TMC3: variants seen among roughly 807,000 people sequenced by gnomAD.
The protein encoded by TMC3 is transmembrane channel like 3.
In TMC3, 98 loss-of-function variants were observed where a neutral mutation model predicts 110.6. The observed-to-expected ratio is 0.89, with a 90% CI of 0.75 to 1.05. The LOEUF (loss-of-function observed/expected upper bound fraction) is 1.05. Among genes scored for constraint, TMC3 ranks in the 50% least tolerant of loss-of-function variants. TMC3 has a pLI of 0.00. For synonymous variants in TMC3, 489 were observed against 513.1 expected (o/e 0.95, Z 0.63); for missense variants, 1,319 against 1,373.2 (o/e 0.96, Z 0.62).
chr15:81,336,712 A>G, intron 19 of TMC3, 61 bp from the exon 20 acceptor site: 1 of 1,531,444 alleles, frequency 6.5e-7, no homozygotes, highest in Non-Finnish European at 9.0e-7. Flanking sequence ...AACAAATATT[A>G]TTCCTGGGGG....
chr15:81,362,248 G>A lies in TMC3; in HGVS notation c.366C>T (p.Pro122=). 6.2e-7 allele frequency: 1 copy of A among 1,612,204 alleles called. No homozygotes were observed. The highest frequency in any genetic ancestry group is 8.5e-7 in the Non-Finnish European group (1 of 1,179,026). Reference sequence around the variant, plus strand: ...CGATTTTCTTTATCCTCATTTCCCAGGGAATGAAGATGACCACAAAGTTAC... The same window carrying A: ...CGATTTTCTTTATCCTCATTTCCCAAGGAATGAAGATGACCACAAAGTTAC... ...LACNFVVIFI[P]WEMRIKKIES... is the part of the protein sequence containing the mutation. Residue 122 remains proline, a synonymous_variant, in exon 4 of 22, where the codon CCC becomes CCT. Transcript: ENST00000359440.
At chr15:81,358,885 G>A (rs1028028172) in intron 5 of TMC3, among the ~76,000 whole-genome samples, 5 of 152,096 alleles carry the variant, frequency 3.3e-5, no homozygotes, top group African/African-American at 1.2e-4. Flanking sequence ...TGAGGTCTGG[G>A]CTTTAGTGTT....
chr15:81,373,543 G>C (rs769271715), intron 1 of TMC3, among the ~76,000 whole-genome samples: 81 of 152,100 alleles, frequency 5.3e-4, no homozygotes, highest in Non-Finnish European at 9.8e-4. Flanking sequence ...AAATTAAATG[G>C]CAGCTGTACT....
chr15:81,367,084 G>A (rs560415839), intron 3 of TMC3, among the ~76,000 whole-genome samples: 3 of 152,140 alleles, frequency 2.0e-5, no homozygotes, highest in African/African-American at 7.2e-5. Context: ...TGCAATTCTG[G>A]CATTCACCCT....
rs765900743 is a variant in TMC3 at position 81,358,235 on chromosome 15, G to T, written c.657C>A (p.Ile219=). The T allele has an allele frequency of 6.2e-7, 1 of 1,613,198 alleles. No homozygotes were observed. Among genetic ancestry groups the T allele is most frequent in the African/African-American group, 1.3e-5 (1 of 74,892 alleles). The change falls in exon 7 of 22, where the codon ATC becomes ATA. Residue 219 remains isoleucine, a synonymous_variant. Coordinates refer to ENST00000359440, the MANE Select transcript of TMC3 (RefSeq NM_001080532.3). ...AGGGCAGCCGGTAGCCAGCTCTCCC[G>T]ATCTTCCTCTCCCTGCCGTAATATC... The part of the protein sequence containing the change: ...FYGYYGRERK[I]GRAGYRLPLA...
chr15:81,345,063 C>T (rs117886930), intron 12 of TMC3, 52 bp from the exon 13 acceptor site: 55,453 of 1,535,954 alleles, frequency 0.036, 1,192 homozygotes, highest in Middle Eastern at 0.055. Flanking sequence ...AGGAAAATGG[C>T]GGTCCACATA....
rs370294387 is a variant in TMC3, at chr15:81,362,313, G to T, written c.313-12C>A. On this transcript the variant is annotated splice_polypyrimidine_tract_variant and intron_variant, in intron 3 of 21. Transcript: ENST00000359440. ...AATTTCCGCCAGAGCTAGACAAGAG[G>T]GGTCAGGATTAGAGAGGTCACGTAC... 6.2e-7 allele frequency: 1 copy of T among 1,607,930 alleles called. No individual in the cohort carries two copies. Among genetic ancestry groups the T allele is most frequent in the East Asian group, 2.2e-5 (1 of 44,710 alleles).
intron 2 of TMC3, among the ~76,000 whole-genome samples, chr15:81,370,680 CTT>C (rs10676279): frequency 1.8e-4 from 25 of 139,170 alleles, no homozygotes; most frequent in East Asian, 2.1e-4. Flanking sequence ...GAAACTATTT[CTT>C]TTTTTTTTTT....
rs573558652 is a variant in TMC3 at position 81,332,503 on chromosome 15, G to T, written c.3219C>A (p.Ser1073=). 6.2e-7 allele frequency: 1 copy of T among 1,613,444 alleles called. No homozygotes were observed. The highest frequency in any genetic ancestry group is 1.1e-5 in the South Asian group (1 of 90,948). ...VTHSQGRFPR[S]VGQPSRRKAK... ...CCTTCCTCCTGCTGGGCTGGCCCAC[G>T]GACCTCGGGAACCTGCCCTGGCTGT... The change falls in exon 22 of 22, where the codon TCC becomes TCA. Residue 1073 remains serine (S), a synonymous_variant. Coordinates refer to ENST00000359440, the MANE Select transcript of TMC3 (RefSeq NM_001080532.3).
chr15:81,358,968 A>T (rs1894126782), intron 5 of TMC3, among the ~76,000 whole-genome samples: 1 of 152,236 alleles, frequency 6.6e-6, no homozygotes. Flanking sequence ...TGGTTGGCCA[A>T]ATCCAACCCA....
chr15:81,356,665 C>A (rs1894070756), intron 7 of TMC3, 71 bp from the exon 8 acceptor site: 7 of 1,496,886 alleles, frequency 4.7e-6, no homozygotes, highest in South Asian at 1.3e-5. Flanking sequence ...ACCCATGGAG[C>A]CTTTGTGTGA....
intron 11 of TMC3, among the ~76,000 whole-genome samples, chr15:81,349,193 C>T (rs960895652): frequency 6.6e-6 from 1 of 151,916 alleles, no homozygotes; most frequent in African/African-American, 2.4e-5. Context: ...CCCTTCTCCT[C>T]CTCCTCTTCT....
intron 11 of TMC3, among the ~76,000 whole-genome samples, chr15:81,347,185 G>A: frequency 6.6e-6 from 1 of 152,204 alleles, no homozygotes; most frequent in Non-Finnish European, 1.5e-5. Flanking sequence ...AAGTGAGAAA[G>A]GAAACGACAG....
chr15:81,362,286 C>T lies in TMC3; in HGVS notation c.328G>A (p.Ala110Thr). ...ACCACAAAGTTACAGGCGAGACGAG[C>T]AAATTTCCGCCAGAGCTAGACAAGA... ...AAGAELWRKF[A>T]RLACNFVVIF... The change falls in exon 4 of 22, where the codon GCT (alanine) becomes ACT (threonine). Residue 110 changes from alanine (A) to threonine (T), a missense_variant. By Grantham distance (58) the Ala-to-Thr change is moderately conservative (BLOSUM62 0). Coordinates refer to ENST00000359440, the MANE Select transcript of TMC3 (RefSeq NM_001080532.3). 1.2e-6 allele frequency: 2 copies of T among 1,612,078 alleles called. No individual in the cohort carries two copies. Among genetic ancestry groups the T allele is most frequent in the Non-Finnish European group, 1.7e-6 (2 of 1,178,970 alleles).
chr15:81,333,360 C>T (rs1223074686), intron 21 of TMC3, 98 bp from the exon 22 acceptor site: 11 of 1,491,860 alleles, frequency 7.4e-6, no homozygotes, highest in Non-Finnish European at 9.9e-6. Flanking sequence ...AGCATTTTCA[C>T]TGAGGCTGGT....
At chr15:81,337,780 C>G in intron 19 of TMC3, 66 bp downstream of exon 19, 2 of 1,390,164 alleles carry the variant, frequency 1.4e-6, no homozygotes, top group South Asian at 1.2e-5. Flanking sequence ...TGTATTCCCA[C>G]GCTGGCGGGA....
rs2141717258 is a variant in TMC3, at chr15:81,358,520, T to A, written c.502-20A>T. ...AATCAGCTGGTGAGAGAAGAAAGCA[T>A]GTCATGTGGTCCTCTGGGTGGGAGG... On this transcript the variant is annotated intron_variant, in intron 5 of 21. Coordinates refer to ENST00000359440, the MANE Select transcript of TMC3 (RefSeq NM_001080532.3). 3 of 1,590,206 alleles carry A rather than the reference T, an allele frequency of 1.9e-6. No homozygotes were observed. In the East Asian group the frequency reaches 6.8e-5, roughly 36 times the overall value.
intron 16 of TMC3, among the ~76,000 whole-genome samples, chr15:81,340,386 TATATAAC>T (rs1893689642): frequency 6.6e-6 from 1 of 152,158 alleles, no homozygotes; most frequent in African/African-American, 2.4e-5. Flanking sequence ...TACATACACA[TATATAAC>T]ATATATAAAT....
chr15:81,368,465 G>T (rs1412352165), intron 2 of TMC3, 137 bp from the exon 3 acceptor site: 2 of 603,704 alleles, frequency 3.3e-6, no homozygotes, highest in East Asian at 3.0e-5. Flanking sequence ...TGAGAGAATG[G>T]AGTTACACAA....
Sources: allele counts gnomAD v4.1 joint callset (sites outside exome capture counted in the v4.1 genomes callset), GRCh38; gene constraint gnomAD v4.1.1; transcripts MANE v1.5; gene names NCBI Gene and HGNC (gene_info 2026-07-23, HGNC 2026-07-21).